Variants in TXNL4A observed in about 807,000 individuals in gnomAD.
TXNL4A encodes thioredoxin-like protein 4A.
In TXNL4A, 17 loss-of-function variants were observed where a neutral mutation model predicts 14.6. The ratio of observed to expected loss-of-function variants is 1.16; its 90% CI spans 0.80 to 1.74. The LOEUF (loss-of-function observed/expected upper bound fraction) is 1.74, where lower values mean the gene tolerates loss of function less well. TXNL4A is among the 40% of genes most tolerant of loss of function. The probability of loss-of-function intolerance (pLI) is 0.00; values close to 1 mark genes in which losing one functional copy is unlikely to be tolerated. For missense variants in TXNL4A, 74 were observed against 195.2 expected, an observed-to-expected ratio of 0.38 and a Z score of 3.70; for synonymous variants, 83 against 70.6, an observed-to-expected ratio of 1.18 and a Z score of -0.88.
At chr18:80,019,135 G>A (rs774881731) in intron 1 of TXNL4A, among the ~76,000 whole-genome samples, 4 of 152,032 alleles carry the variant, frequency 2.6e-5, no homozygotes, top group Admixed American at 2.0e-4. Context: ...CTGCATTTTC[G>A]GATATCTTCT....
In TXNL4A at chr18:79,977,971, C is replaced by T. The variant is rs868267663; in HGVS notation, c.154-270G>A. The T allele has an allele frequency of 4.8e-5, 19 of 397,636 alleles. No individual in the cohort carries two copies. The Middle Eastern group carries it at 2.7e-3, about 57-fold the overall frequency. The allele number at this position is 397,636 out of a possible 1,614,324, so 24.6% of individuals were successfully genotyped here. ...GGAGTGAGCCATCACTCCTGGCCAA[C>T]GGGGCAATTTTCAAACTAATTCTTC... On this transcript the variant is annotated intron_variant, in intron 1 of 2. Coordinates refer to ENST00000269601, the MANE Select transcript of TXNL4A (RefSeq NM_006701.5).
chr18:80,026,024 A>G (rs1399964119), intron 1 of TXNL4A, among the ~76,000 whole-genome samples: 1 of 152,254 alleles, frequency 6.6e-6, no homozygotes, highest in African/African-American at 2.4e-5. Flanking sequence ...ACATCTTGAT[A>G]TAACTTTTAG....
intron 1 of TXNL4A, among the ~76,000 whole-genome samples, chr18:80,004,987 T>C (rs1022931423): frequency 6.6e-6 from 1 of 152,210 alleles, no homozygotes; most frequent in Non-Finnish European, 1.5e-5. Flanking sequence ...AGGTTAGACA[T>C]AGCTAAAGAG....
chr18:79,990,856 G>A (rs1599734757), upstream of TXNL4A, among the ~76,000 whole-genome samples: 1 of 152,218 alleles, frequency 6.6e-6, no homozygotes, highest in South Asian at 2.1e-4. Flanking sequence ...TGTAATCCCA[G>A]CACTTTGGGA....
At chr18:79,976,846 G>A (rs2051387163) in intron 2 of TXNL4A, 2 of 450,190 alleles carry the variant, frequency 4.4e-6, no homozygotes, top group Non-Finnish European at 8.9e-6. Context: ...TTTCCATAAT[G>A]AAATTTTTGA....
rs932928515 is a variant in TXNL4A, at chr18:79,982,034, T to G, written c.154-4333A>C. The stretch of plus-strand genomic sequence containing the variant: ...GCACGGGGAAGGGGCAGAGCTGAGA[T>G]GCACTCTGTCTGGCTCCAAAGCCTG... On this transcript the variant is annotated intron_variant, in intron 1 of 2. Transcript: ENST00000269601. This position sits in a 1 kb window ranked among gnomAD's most constrained non-coding sequence, Gnocchi z 4.0. Among the ~76,000 whole-genome samples the G allele has an allele frequency of 1.3e-5, 2 of 152,214 alleles. No individual in the cohort carries two copies. The highest frequency in any genetic ancestry group is 2.9e-5 in the Non-Finnish European group (2 of 68,038).
chr18:80,014,235 C>T (rs2051791652), intron 1 of TXNL4A, among the ~76,000 whole-genome samples: 1 of 152,114 alleles, frequency 6.6e-6, no homozygotes, highest in African/African-American at 2.4e-5. Flanking sequence ...CAACAGTCCC[C>T]CAAAGTCTTA....
At chr18:80,005,145 T>C (rs1042123131) in intron 1 of TXNL4A, among the ~76,000 whole-genome samples, 1 of 152,150 alleles carries the variant, frequency 6.6e-6, no homozygotes, top group African/African-American at 2.4e-5. Context: ...CGTGAGATTG[T>C]GATGATCTCC....
chr18:80,000,784 G>A (rs1351004554), intron 1 of TXNL4A, among the ~76,000 whole-genome samples: 3 of 152,090 alleles, frequency 2.0e-5, no homozygotes, highest in African/African-American at 7.2e-5. Context: ...CTCCTGAGTG[G>A]CTGGGATTAC....
At chr18:79,973,941 T>C (rs978762858) in intron 2 of TXNL4A, 85 bp from the exon 3 acceptor site, 41 of 1,548,738 alleles carry the variant, frequency 2.6e-5, no homozygotes, top group Non-Finnish European at 3.5e-5. Context: ...TTTTTCCCAC[T>C]GTGACAAGCT....
At chr18:79,984,310 T>C (rs1253344612) in intron 1 of TXNL4A, among the ~76,000 whole-genome samples, 1 of 152,206 alleles carries the variant, frequency 6.6e-6, no homozygotes, top group East Asian at 1.9e-4. Flanking sequence ...TGTACTATCA[T>C]GGGCCAGGCA....
chr18:79,996,874 C>G (rs564444757), intron 1 of TXNL4A, among the ~76,000 whole-genome samples: 4 of 152,142 alleles, frequency 2.6e-5, no homozygotes, highest in African/African-American at 9.7e-5. Flanking sequence ...ACCCAGGAGG[C>G]GGAGGTTGCA....
At position 79,971,626 on chromosome 18, in the gene TXNL4A, C is replaced by T. The variant is rs967797002; in HGVS notation, c.*2059G>A. 3 of 152,198 alleles carry T rather than the reference C, an allele frequency of 2.0e-5. No individual in the cohort carries two copies. Among genetic ancestry groups the T allele is most frequent in the East Asian group, 1.9e-4 (1 of 5,194 alleles). 9.4% of individuals were successfully genotyped at this position (152,198 alleles called of 1,614,324 possible). On this transcript the variant is annotated 3_prime_UTR_variant, in exon 3 of 3. Coordinates refer to ENST00000269601, the MANE Select transcript of TXNL4A (RefSeq NM_006701.5). ...ATTACAGGCTTGAGACACCTGCACCCGGCCCATGTTTAACTTTTTGACGAC... is the reference window on the plus strand; with the variant it reads ...ATTACAGGCTTGAGACACCTGCACCTGGCCCATGTTTAACTTTTTGACGAC...
At chr18:80,009,729 CGATTT>C (rs1167677323) in intron 1 of TXNL4A, among the ~76,000 whole-genome samples, 2 of 152,166 alleles carry the variant, frequency 1.3e-5, no homozygotes, top group African/African-American at 4.8e-5. Context: ...ACCTGACCCT[CGATTT>C]GGGATTTTTG....
In TXNL4A at chr18:79,973,425, G is replaced by C. The variant is rs866866739; in HGVS notation, c.*260C>G. ...ACAGGCTCACAGGATAAACACCTTC[G>C]TTTTACTCCAAGGGTAAGAATTAAC... On this transcript the variant is annotated 3_prime_UTR_variant, in exon 3 of 3. Coordinates refer to ENST00000269601, the MANE Select transcript of TXNL4A (RefSeq NM_006701.5). 3 of 419,344 alleles carry C rather than the reference G, an allele frequency of 7.2e-6. No individual in the cohort carries two copies. Among genetic ancestry groups the C allele is most frequent in the Non-Finnish European group, 8.3e-6 (2 of 240,430 alleles). The allele number at this position is 419,344 out of a possible 1,614,324, so 26.0% of individuals were successfully genotyped here.
In TXNL4A at chr18:79,983,728, T is replaced by G. The variant is rs116285631; in HGVS notation, c.153+4512A>C. Among the ~76,000 whole-genome samples the G allele has an allele frequency of 6.5e-3, 987 of 152,320 alleles. 8 individuals are homozygous for G. The highest frequency in any genetic ancestry group is 0.022 in the African/African-American group (931 of 41,564). ...CAGCTCTCACAATAACTTGCAAACTTAGTAATGTGAGAGAAGTAATCACAG... is the reference window on the plus strand; with the variant it reads ...CAGCTCTCACAATAACTTGCAAACTGAGTAATGTGAGAGAAGTAATCACAG... On this transcript the variant is annotated intron_variant, in intron 1 of 2. Coordinates refer to ENST00000269601, the MANE Select transcript of TXNL4A (RefSeq NM_006701.5).
intron 2 of TXNL4A, among the ~76,000 whole-genome samples, chr18:79,975,104 C>T (rs750254712): frequency 2.0e-5 from 3 of 152,166 alleles, no homozygotes; most frequent in East Asian, 3.9e-4. Context: ...GGGGGCTGCC[C>T]GTAGCACCCT....
At chr18:79,999,301 C>T (rs1036020734) in intron 1 of TXNL4A, among the ~76,000 whole-genome samples, 5 of 151,928 alleles carry the variant, frequency 3.3e-5, no homozygotes, top group Non-Finnish European at 7.4e-5. Flanking sequence ...TTTGGGAGGC[C>T]GAGGCGGGCG....
At chr18:80,009,886 A>T (rs2051758783) in intron 1 of TXNL4A, among the ~76,000 whole-genome samples, 1 of 152,080 alleles carries the variant, frequency 6.6e-6, no homozygotes, top group Admixed American at 6.6e-5. Flanking sequence ...TTTTTCCCTT[A>T]TCAGTTGAGT....
Sources: gnomAD v4.1 joint callset for allele counts (sites outside exome capture counted in the v4.1 genomes callset) on GRCh38, gnomAD v4.1.1 for gene constraint, Gnocchi (gnomAD v3.1) non-coding constraint, MANE v1.5 for transcripts, NCBI Gene and HGNC (gene_info 2026-07-23, HGNC 2026-07-21) for gene names.